Variants in OPRM1 observed in about 807,000 individuals in gnomAD.
The protein encoded by OPRM1 is opioid receptor mu 1, also known as mu-type opioid receptor.
A neutral mutation model predicts 31.8 loss-of-function variants in OPRM1; 27 were observed. The ratio of observed to expected loss-of-function variants is 0.85; its 90% CI spans 0.63 to 1.17. OPRM1 has a LOEUF of 1.17. Ranked by LOEUF, OPRM1 falls within the 50% of genes most tolerant of loss-of-function variation. The probability of loss-of-function intolerance (pLI) is 0.00; values close to 1 mark genes in which losing one functional copy is unlikely to be tolerated. For synonymous variants in OPRM1, 196 were observed against 189.9 expected (o/e 1.03, Z -0.26); for missense variants, 536 against 511.1 (o/e 1.05, Z -0.47).
chr6:154,206,146 T>C (rs1777476185), intron 3 of OPRM1, among the ~76,000 whole-genome samples: 1 of 152,160 alleles, frequency 6.6e-6, no homozygotes, highest in Non-Finnish European at 1.5e-5. Context: ...CTCAAATTTA[T>C]CAAGAGGGGC....
intron 3 of OPRM1, chr6:154,199,636 TCTAA>T: frequency 6.5e-7 from 1 of 1,545,630 alleles, no homozygotes; most frequent in Non-Finnish European, 8.7e-7. Flanking sequence ...ATATTCACTC[TCTAA>T]CGAAGAATAA....
intron 3 of OPRM1, among the ~76,000 whole-genome samples, chr6:154,097,383 T>G (rs1793573890): frequency 6.6e-6 from 1 of 152,154 alleles, no homozygotes; most frequent in East Asian, 1.9e-4. Context: ...AATACATCAC[T>G]CTCAAAAGTT....
At chr6:154,101,742 A>T (rs1794860693) in intron 3 of OPRM1, among the ~76,000 whole-genome samples, 1 of 152,182 alleles carries the variant, frequency 6.6e-6, no homozygotes, top group South Asian at 2.1e-4. Context: ...TTCTTACTAA[A>T]TGTAAAAGAT....
At position 154,142,521 on chromosome 6, in the gene OPRM1, G is replaced by A. The variant is rs116061191; in HGVS notation, c.1164+51049G>A. On this transcript the variant is annotated intron_variant, in intron 3 of 3. Transcript: ENST00000337049. Reference sequence around the variant, plus strand: ...ATTATAGGCCACTGAGCATGCAGGCGGCTCTCCCTGAAGGAAGAATCCAAG... The same window carrying A: ...ATTATAGGCCACTGAGCATGCAGGCAGCTCTCCCTGAAGGAAGAATCCAAG... 2.5e-3 allele frequency among the ~76,000 whole-genome samples: 374 copies of A among 152,126 alleles called. 1 individual carries two copies. The highest frequency in any genetic ancestry group is 8.5e-3 in the African/African-American group (352 of 41,494).
At chr6:154,137,755 A>G (rs1011974877) in intron 3 of OPRM1, among the ~76,000 whole-genome samples, 1 of 152,242 alleles carries the variant, frequency 6.6e-6, no homozygotes, top group Admixed American at 6.5e-5. Context: ...TTCAGCCACA[A>G]TTGGCCTGGA....
rs1368647611 is a variant in OPRM1 at position 154,121,875 on chromosome 6, G to A, written c.*3154G>A. 6.6e-6 allele frequency among the ~76,000 whole-genome samples: 1 copy of A among 152,130 alleles called. No homozygotes were observed. Among genetic ancestry groups the A allele is most frequent in the Admixed American group, 6.6e-5 (1 of 15,264 alleles). On this transcript the variant is annotated 3_prime_UTR_variant, in exon 4 of 4. Transcript: ENST00000330432. The stretch of plus-strand genomic sequence containing the variant: ...AAAAGCTAAAAACAAGATCTTTTTG[G>A]TAATGCTTCAATTAAATGTTTTATC...
intron 3 of OPRM1, among the ~76,000 whole-genome samples, chr6:154,179,392 A>G (rs923921781): frequency 1.3e-5 from 2 of 152,196 alleles, no homozygotes; most frequent in Admixed American, 1.3e-4. Context: ...AAAACACTAC[A>G]TTATTTCTCT....
At position 154,120,078 on chromosome 6, in the gene OPRM1, A is replaced by G. The variant is rs1797220578; in HGVS notation, c.*1357A>G. Among the ~76,000 whole-genome samples the G allele has an allele frequency of 6.6e-6, 1 of 152,170 alleles. No homozygotes were observed. The highest frequency in any genetic ancestry group is 1.5e-5 in the Non-Finnish European group (1 of 68,012). ...GATGGCCCATGCCTAGAAGCTCTCCATTTTGAACTTTTGTCAGCATTGATT... is the reference window on the plus strand; with the variant it reads ...GATGGCCCATGCCTAGAAGCTCTCCGTTTTGAACTTTTGTCAGCATTGATT... On this transcript the variant is annotated 3_prime_UTR_variant, in exon 4 of 4. Coordinates refer to ENST00000330432, the MANE Select transcript of OPRM1 (RefSeq NM_000914.5).
chr6:154,132,795 G>C (rs975908457), downstream of OPRM1, among the ~76,000 whole-genome samples: 8 of 152,168 alleles, frequency 5.3e-5, no homozygotes, highest in East Asian at 1.3e-3. Flanking sequence ...ATTTTTTGAA[G>C]TGGAAACGTC....
At chr6:154,200,007 G>A (rs1776933414) in intron 3 of OPRM1, 2 of 1,613,866 alleles carry the variant, frequency 1.2e-6, no homozygotes, top group Non-Finnish European at 1.7e-6. Flanking sequence ...GTTCCACTCA[G>A]GCTGGGTGAG....
In OPRM1 at chr6:154,180,347, CATATATATATA is replaced by C. The variant is rs552786814; in HGVS notation, c.1165-66345_1165-66335del. On this transcript the variant is annotated intron_variant, in intron 3 of 3. Coordinates refer to the OPRM1 transcript ENST00000337049. Reference sequence around the variant, plus strand: ...AACTAGTTAGACTCAAGAAAGGAGACATATATATATATATACTGAGCTAGTTTAACAACAAC... The same window carrying C: ...AACTAGTTAGACTCAAGAAAGGAGACTATACTGAGCTAGTTTAACAACAAC... Among the ~76,000 whole-genome samples the C allele has an allele frequency of 6.1e-3, 864 of 142,146 alleles. 12 individuals are homozygous for C. Among genetic ancestry groups the C allele is most frequent in the African/African-American group, 0.022 (838 of 38,028 alleles). The allele number at this position is 142,146 out of a possible 152,430, so 93.3% of individuals were successfully genotyped here.
chr6:154,025,730 G>A (rs1241527172), intron 1 of OPRM1, among the ~76,000 whole-genome samples: 4 of 151,862 alleles, frequency 2.6e-5, no homozygotes, highest in Non-Finnish European at 5.9e-5. Flanking sequence ...CACGAGGCTT[G>A]CAAATACTAT....
chr6:154,070,554 A>G (rs142790380), intron 1 of OPRM1, among the ~76,000 whole-genome samples: 314 of 152,362 alleles, frequency 2.1e-3, no homozygotes, highest in African/African-American at 6.7e-3. Context: ...TGTTGGCTCT[A>G]ATTATAATGC....
intron 1 of OPRM1, among the ~76,000 whole-genome samples, chr6:154,082,320 T>C (rs943517593): frequency 4.6e-5 from 7 of 152,196 alleles, no homozygotes; most frequent in African/African-American, 9.7e-5. Context: ...AATTATTCTA[T>C]CCATGTTATT....
At chr6:154,225,922 A>T (rs1302044829) in intron 3 of OPRM1, among the ~76,000 whole-genome samples, 1 of 152,172 alleles carries the variant, frequency 6.6e-6, no homozygotes, top group Non-Finnish European at 1.5e-5. Context: ...GCTAAATCCC[A>T]TCTACTGTTT....
At chr6:154,218,044 T>C (rs1457071287) in intron 3 of OPRM1, among the ~76,000 whole-genome samples, 1 of 152,260 alleles carries the variant, frequency 6.6e-6, no homozygotes, top group Non-Finnish European at 1.5e-5. Flanking sequence ...GACTGTTTTC[T>C]TTCTAGGATC....
chr6:154,014,295 C>T (rs918853315), intron 1 of OPRM1, among the ~76,000 whole-genome samples: 2 of 151,830 alleles, frequency 1.3e-5, no homozygotes, highest in East Asian at 1.9e-4. Context: ...GTAGGCCATT[C>T]GAAGAAACTT....
At chr6:154,077,329 G>A (rs1393314292) in intron 1 of OPRM1, among the ~76,000 whole-genome samples, 1 of 151,816 alleles carries the variant, frequency 6.6e-6, no homozygotes, top group Non-Finnish European at 1.5e-5. Context: ...TGCTCGCCAG[G>A]CTGGTCTCAA....
At chr6:154,154,109 G>A (rs1425367341) in intron 3 of OPRM1, among the ~76,000 whole-genome samples, 2 of 152,204 alleles carry the variant, frequency 1.3e-5, no homozygotes, top group African/African-American at 4.8e-5. Context: ...AGACTTGGGA[G>A]AGAGTCAGGA....
Sources: gnomAD v4.1 joint callset for allele counts (sites outside exome capture counted in the v4.1 genomes callset) on GRCh38, gnomAD v4.1.1 for gene constraint, MANE v1.5 for transcripts, NCBI Gene and HGNC (gene_info 2026-07-23, HGNC 2026-07-21) for gene names.